THRAP3: variants seen among roughly 807,000 people sequenced by gnomAD.
THRAP3 encodes the protein thyroid hormone receptor associated protein 3.
In THRAP3, 16 loss-of-function variants were observed where a neutral mutation model predicts 101.0. The ratio of observed to expected loss-of-function variants is 0.16; its 90% CI spans 0.11 to 0.24. THRAP3 has a LOEUF of 0.24. THRAP3 is among the 10% of genes least tolerant of loss of function. THRAP3 has a pLI of 1.00. For synonymous variants in THRAP3, 407 were observed against 422.6 expected, an observed-to-expected ratio of 0.96 and a Z score of 0.45; for missense variants, 989 against 1,202.7, an observed-to-expected ratio of 0.82 and a Z score of 2.63.
At chr1:36,300,853 T>G in intron 9 of THRAP3, 33 bp from the exon 10 acceptor site, 1 of 1,609,566 alleles carries the variant, frequency 6.2e-7, no homozygotes, top group Non-Finnish European at 8.5e-7. Context: ...CTTAGAAAGA[T>G]GATTGATCAC....
At chr1:36,236,954 A>G (rs1645097768) in intron 1 of THRAP3, among the ~76,000 whole-genome samples, 1 of 152,154 alleles carries the variant, frequency 6.6e-6, no homozygotes, top group African/African-American at 2.4e-5. Flanking sequence ...AGGCGGGCAA[A>G]TCACCTGAGG....
At chr1:36,297,444 A>ATTTTTTTTTTTTTTTTTT (rs764365723) in intron 9 of THRAP3, among the ~76,000 whole-genome samples, 1 of 122,372 alleles carries the variant, frequency 8.2e-6, no homozygotes. Flanking sequence ...GCTGGCAAGC[A>ATTTTTTTTTTTTTTTTTT]TTTTTTTTTT....
At chr1:36,225,427 C>G (rs572248333) in intron 1 of THRAP3, 9 of 152,352 alleles carry the variant, frequency 5.9e-5, no homozygotes, top group Non-Finnish European at 1.3e-4. Context: ...GAGTCTTCAT[C>G]TCCAGCTGCC....
chr1:36,289,471 G>C lies in THRAP3; in HGVS notation c.1452G>C (p.Gln484His), dbSNP rs765414909. ...ATGCACCTCCAGGGAAGGAAAAGCA[G>C]AGAAAAACAGAGGAGCTGGAGGAGG... is the stretch of plus-strand genomic sequence containing the variant. ...LVYAPPGKEK[Q>H]RKTEELEEES... Residue 484 changes from glutamine to histidine, a missense_variant, in exon 5 of 12, where the codon CAG becomes CAC. By Grantham distance (24) the Gln-to-His change is conservative (BLOSUM62 0). Transcript: ENST00000354618. 6.2e-7 allele frequency: 1 copy of C among 1,614,216 alleles called. No homozygotes were observed. The highest frequency in any genetic ancestry group is 1.3e-5 in the African/African-American group (1 of 75,044).
chr1:36,226,643 C>T (rs535853496), intron 1 of THRAP3, among the ~76,000 whole-genome samples: 2 of 152,294 alleles, frequency 1.3e-5, no homozygotes, highest in African/African-American at 4.8e-5. Context: ...TATTGACATC[C>T]TGAATGCAAG....
chr1:36,219,386 A>C, the THRAP3 span, among the ~76,000 whole-genome samples: 5 of 152,312 alleles, frequency 3.3e-5, no homozygotes, highest in Middle Eastern at 6.8e-3. Flanking sequence ...AGCTAAAATA[A>C]TTGATGAAGG....
chr1:36,286,541 A>G lies in THRAP3; in HGVS notation c.311A>G (p.Tyr104Cys). Reference protein sequence around the residue: ...YPWGQYNRGGYGNYRSNWQNY... With the variant: ...YPWGQYNRGGCGNYRSNWQNY... ...TGGGGCCAATATAACCGAGGAGGCT[A>G]TGGAAACTACCGCTCAAATTGGCAG... The change falls in exon 4 of 12, where the codon TAT becomes TGT. Residue 104 changes from tyrosine (Y) to cysteine (C), a missense_variant. By Grantham distance (194) the Tyr-to-Cys change is radical. Coordinates refer to ENST00000354618, the MANE Select transcript of THRAP3 (RefSeq NM_005119.4). The surrounding 1 kb of genome is among the most constrained non-coding windows in gnomAD (Gnocchi z 5.5). 1.2e-6 allele frequency: 2 copies of G among 1,614,170 alleles called. No individual in the cohort carries two copies. The highest frequency in any genetic ancestry group is 1.7e-6 in the Non-Finnish European group (2 of 1,180,038).
chr1:36,257,531 G>A (rs1645390781), intron 1 of THRAP3, among the ~76,000 whole-genome samples: 1 of 152,178 alleles, frequency 6.6e-6, no homozygotes, highest in Admixed American at 6.5e-5. Context: ...TATGCCTGTG[G>A]CTGGCCAGAT....
intron 2 of THRAP3, among the ~76,000 whole-genome samples, chr1:36,280,325 G>T (rs750744532): frequency 1.5e-4 from 23 of 152,186 alleles, no homozygotes; most frequent in Non-Finnish European, 2.9e-4. Flanking sequence ...AATAAAGAAA[G>T]ATGAGGTTTC....
At chr1:36,216,759 A>T in the THRAP3 span, among the ~76,000 whole-genome samples, 2 of 152,190 alleles carry the variant, frequency 1.3e-5, no homozygotes, top group Admixed American at 6.6e-5. Context: ...AGTCTGTGGG[A>T]CAGAGCCAGA....
the THRAP3 span, among the ~76,000 whole-genome samples, chr1:36,207,787 G>T: frequency 6.6e-6 from 1 of 152,116 alleles, no homozygotes; most frequent in South Asian, 2.1e-4. Flanking sequence ...AAAGACTGAA[G>T]ACTTTTTTTA....
upstream of THRAP3, among the ~76,000 whole-genome samples, chr1:36,219,663 T>A (rs1644893564): frequency 1.3e-5 from 2 of 151,992 alleles, no homozygotes; most frequent in Admixed American, 6.6e-5. Flanking sequence ...CTCCTGACCT[T>A]TGGTGATCTG....
At chr1:36,258,067 T>C (rs1645398500) in intron 1 of THRAP3, among the ~76,000 whole-genome samples, 1 of 152,076 alleles carries the variant, frequency 6.6e-6, no homozygotes, top group East Asian at 1.9e-4. Context: ...TCTTGAACTC[T>C]GGACCTCGTG....
intron 1 of THRAP3, among the ~76,000 whole-genome samples, chr1:36,239,935 A>G (rs1645135119): frequency 6.6e-6 from 1 of 152,196 alleles, no homozygotes; most frequent in South Asian, 2.1e-4. Flanking sequence ...ACATTTTAAG[A>G]TAAACCTTGA....
chr1:36,258,099 A>G (rs1004385209), intron 1 of THRAP3, among the ~76,000 whole-genome samples: 3 of 152,056 alleles, frequency 2.0e-5, no homozygotes, highest in Non-Finnish European at 4.4e-5. Context: ...TCGGCCTCCC[A>G]AAGTGCTGGG....
intron 1 of THRAP3, among the ~76,000 whole-genome samples, chr1:36,237,289 G>A (rs529529584): frequency 6.6e-6 from 1 of 151,944 alleles, no homozygotes; most frequent in Admixed American, 6.6e-5. Context: ...CCAGCATGGT[G>A]AAATCCTGTC....
At chr1:36,257,104 C>G (rs920296929) in intron 1 of THRAP3, among the ~76,000 whole-genome samples, 8 of 152,148 alleles carry the variant, frequency 5.3e-5, no homozygotes, top group Admixed American at 1.3e-4. Flanking sequence ...GCCAACATTG[C>G]AGACATTCTT....
chr1:36,278,468 T>TTGG (rs1468998946), intron 2 of THRAP3, among the ~76,000 whole-genome samples: 1 of 152,180 alleles, frequency 6.6e-6, no homozygotes, highest in Non-Finnish European at 1.5e-5. Context: ...ATTGATCTGC[T>TTGG]TGGTAATTAG....
At chr1:36,217,236 T>G in the THRAP3 span, among the ~76,000 whole-genome samples, 16 of 152,180 alleles carry the variant, frequency 1.1e-4, no homozygotes, top group African/African-American at 3.9e-4. Context: ...CAGGGTGGAT[T>G]TGAGATACCA....
Sources: allele counts gnomAD v4.1 joint callset (sites outside exome capture counted in the v4.1 genomes callset), GRCh38; gene constraint gnomAD v4.1.1; non-coding constraint Gnocchi (gnomAD v3.1); transcripts MANE v1.5; gene names NCBI Gene and HGNC (gene_info 2026-07-23, HGNC 2026-07-21).